Variants in CRTAC1 observed in about 807,000 individuals in gnomAD.
CRTAC1 encodes the protein acidic secreted protein in cartilage.
A neutral mutation model predicts 67.8 loss-of-function variants in CRTAC1; 37 were observed. The observed-to-expected ratio is 0.55, with a 90% CI of 0.42 to 0.72. The LOEUF (loss-of-function observed/expected upper bound fraction) is 0.72. CRTAC1 is among the 30% of genes least tolerant of loss of function. CRTAC1 has a pLI of 0.00. For synonymous variants in CRTAC1, 348 were observed against 371.0 expected, an observed-to-expected ratio of 0.94 and a Z score of 0.71; for missense variants, 780 against 931.6, an observed-to-expected ratio of 0.84 and a Z score of 2.12.
At chr10:97,948,936 G>A (rs540851056) in intron 2 of CRTAC1, among the ~76,000 whole-genome samples, 127 of 152,270 alleles carry the variant, frequency 8.3e-4, no homozygotes, top group Non-Finnish European at 1.6e-3. Flanking sequence ...ATCAGATCTC[G>A]TGAGAACTCA....
chr10:97,883,758 C>G lies in CRTAC1; in HGVS notation c.1632+448G>C, dbSNP rs935905321. 5.3e-5 allele frequency among the ~76,000 whole-genome samples: 8 copies of G among 152,188 alleles called. No individual in the cohort carries two copies. In the East Asian group the frequency reaches 1.3e-3, roughly 26 times the overall value. ...CGACACTGCTGAGATGGGTCCAGAG[C>G]TGCTCCTCAAAGAGCCTCCAGAAAA... is the stretch of plus-strand genomic sequence containing the variant. On this transcript the variant is annotated intron_variant, in intron 12 of 14. Coordinates refer to ENST00000370597, the MANE Select transcript of CRTAC1 (RefSeq NM_018058.7).
intron 3 of CRTAC1, among the ~76,000 whole-genome samples, chr10:97,926,098 C>T (rs542395462): frequency 1.4e-4 from 21 of 152,276 alleles, no homozygotes; most frequent in South Asian, 2.1e-4. Flanking sequence ...AAGTCCCTTC[C>T]GCTGAGTGGA....
rs548091647 is a variant in CRTAC1 at position 97,920,725 on chromosome 10, C to T, written c.558+2539G>A. Among the ~76,000 whole-genome samples the T allele has an allele frequency of 1.1e-4, 17 of 152,352 alleles. No individual in the cohort carries two copies. In the East Asian group the frequency reaches 2.9e-3, roughly 26 times the overall value. On this transcript the variant is annotated intron_variant, in intron 4 of 14. Coordinates refer to ENST00000370597, the MANE Select transcript of CRTAC1 (RefSeq NM_018058.7). ...CCTCGGGCAAATCCCTGGCTGCCTCCAGGCTGCATCTCCTCAGATGTTAAA... is the reference window on the plus strand; with the variant it reads ...CCTCGGGCAAATCCCTGGCTGCCTCTAGGCTGCATCTCCTCAGATGTTAAA...
chr10:97,890,195 C>G (rs187235383), intron 11 of CRTAC1, among the ~76,000 whole-genome samples: 8 of 152,264 alleles, frequency 5.3e-5, no homozygotes, highest in African/African-American at 1.9e-4. Flanking sequence ...TAGCTCACTA[C>G]AGCCTCAAAC....
At chr10:97,950,542 T>C (rs1378284781) in intron 2 of CRTAC1, among the ~76,000 whole-genome samples, 1 of 151,622 alleles carries the variant, frequency 6.6e-6, no homozygotes, top group Non-Finnish European at 1.5e-5. Context: ...TGGTCTGAGG[T>C]CTGGGTTGGA....
intron 14 of CRTAC1, among the ~76,000 whole-genome samples, chr10:97,873,972 A>G (rs1005186740): frequency 2.0e-5 from 3 of 152,120 alleles, no homozygotes; most frequent in Non-Finnish European, 4.4e-5. Flanking sequence ...ACGTATCCTG[A>G]CTCAGTTTCC....
At chr10:97,989,363 A>G (rs1469870746) in intron 2 of CRTAC1, among the ~76,000 whole-genome samples, 3 of 152,214 alleles carry the variant, frequency 2.0e-5, no homozygotes, top group African/African-American at 7.2e-5. Flanking sequence ...TTGTGCAAAC[A>G]TCATAGTGTG....
intron 1 of CRTAC1, among the ~76,000 whole-genome samples, chr10:98,022,828 C>T (rs528958701): frequency 1.3e-5 from 2 of 152,090 alleles, no homozygotes; most frequent in South Asian, 2.1e-4. Context: ...ATGGATAGAC[C>T]GTGTTTCTGA....
intron 2 of CRTAC1, among the ~76,000 whole-genome samples, chr10:98,002,798 T>TTTTTTTTTTA (rs1842717568): frequency 7.7e-6 from 1 of 130,052 alleles, no homozygotes. Flanking sequence ...TTTTTTTTTT[T>TTTTTTTTTTA]GAGAGAGTCT....
intron 2 of CRTAC1, among the ~76,000 whole-genome samples, chr10:97,972,812 A>G (rs2051736652): frequency 6.6e-6 from 1 of 152,238 alleles, no homozygotes; most frequent in African/African-American, 2.4e-5. Context: ...AGCAAGATAC[A>G]AAATTTGAAA....
rs535513488 is a variant in CRTAC1, at chr10:97,928,542, G to A, written c.422-5142C>T. 2.6e-5 allele frequency among the ~76,000 whole-genome samples: 4 copies of A among 152,284 alleles called. No homozygotes were observed. In the South Asian group the frequency reaches 8.3e-4, roughly 32 times the overall value. ...GGTACTATTTTCATGACCCCTTTACGTATGAAGCGCCTGGGGCATGAGAAA... is the reference window on the plus strand; with the variant it reads ...GGTACTATTTTCATGACCCCTTTACATATGAAGCGCCTGGGGCATGAGAAA... On this transcript the variant is annotated intron_variant, in intron 3 of 14. Coordinates refer to ENST00000370597, the MANE Select transcript of CRTAC1 (RefSeq NM_018058.7).
intron 1 of CRTAC1, among the ~76,000 whole-genome samples, chr10:98,013,731 T>A (rs1411747903): frequency 6.6e-6 from 1 of 152,232 alleles, no homozygotes; most frequent in Non-Finnish European, 1.5e-5. Context: ...CCTAAGCTGC[T>A]TCTATAAACT....
chr10:97,891,344 C>T (rs1387123299), intron 11 of CRTAC1, among the ~76,000 whole-genome samples: 2 of 152,250 alleles, frequency 1.3e-5, no homozygotes. Flanking sequence ...CTTCCCACTT[C>T]TGGGCCTTTG....
At chr10:97,884,549 C>G in intron 11 of CRTAC1, 198 bp from the exon 12 acceptor site, 2 of 596,568 alleles carry the variant, frequency 3.4e-6, no homozygotes, top group South Asian at 4.3e-5. Flanking sequence ...TGTCTGTCTG[C>G]AAGGACAGAA....
chr10:97,952,219 G>T (rs1475300501), intron 2 of CRTAC1, among the ~76,000 whole-genome samples: 2 of 152,058 alleles, frequency 1.3e-5, no homozygotes, highest in African/African-American at 2.4e-5. Flanking sequence ...AGGTGTGGTG[G>T]TGGGCACCTG....
At chr10:97,972,322 TGTA>T (rs1320492257) in intron 2 of CRTAC1, among the ~76,000 whole-genome samples, 2 of 152,096 alleles carry the variant, frequency 1.3e-5, no homozygotes, top group Admixed American at 6.5e-5. Context: ...CAACTAGCAG[TGTA>T]TGTTATAAGG....
At chr10:97,927,005 C>T (rs538289417) in intron 3 of CRTAC1, among the ~76,000 whole-genome samples, 2 of 152,302 alleles carry the variant, frequency 1.3e-5, no homozygotes, top group Admixed American at 1.3e-4. Context: ...ATGCCTGGGT[C>T]ACACTCCACT....
At chr10:97,991,099 CAAA>C (rs757267901) in intron 2 of CRTAC1, among the ~76,000 whole-genome samples, 3 of 17,978 alleles carry the variant, frequency 1.7e-4, no homozygotes, top group Non-Finnish European at 3.6e-4. Flanking sequence ...ACCATCTCTA[CAAA>C]AAAAAAAAAA....
intron 11 of CRTAC1, among the ~76,000 whole-genome samples, chr10:97,889,461 G>T (rs561396834): frequency 3.3e-5 from 3 of 90,970 alleles, no homozygotes; most frequent in East Asian, 2.6e-4. Flanking sequence ...GGTGGGGGGG[G>T]GTCCACTGAG....
Sources: gnomAD v4.1 joint callset for allele counts (sites outside exome capture counted in the v4.1 genomes callset) on GRCh38, gnomAD v4.1.1 for gene constraint, MANE v1.5 for transcripts, NCBI Gene and HGNC (gene_info 2026-07-23, HGNC 2026-07-21) for gene names.